Variants in STX8 observed in about 807,000 individuals in gnomAD.
STX8 encodes syntaxin-8.
STX8 carries 23 observed loss-of-function variants against 37.5 expected under a neutral mutation model. The ratio of observed to expected loss-of-function variants is 0.61; its 90% CI spans 0.44 to 0.87. The LOEUF (loss-of-function observed/expected upper bound fraction) is 0.87, where lower values mean the gene tolerates loss of function less well. Among genes scored for constraint, STX8 ranks in the 40% least tolerant of loss-of-function variants. STX8 has a pLI of 0.00. For synonymous variants in STX8, 115 were observed against 99.1 expected (o/e 1.16, Z -0.95); for missense variants, 313 against 284.7 (o/e 1.10, Z -0.71).
intron 6 of STX8, among the ~76,000 whole-genome samples, chr17:9,419,811 G>C (rs971654025): frequency 6.6e-6 from 1 of 152,172 alleles, no homozygotes; most frequent in African/African-American, 2.4e-5. Flanking sequence ...AGAGTGAGCA[G>C]AAATACATAT....
chr17:9,473,598 T>A (rs9893263), intron 6 of STX8, among the ~76,000 whole-genome samples: 1,850 of 152,294 alleles, frequency 0.012, 36 homozygotes, highest in African/African-American at 0.041. Flanking sequence ...TTACGCTATA[T>A]GGTTTAGAGA....
At chr17:9,506,407 T>TTCCC (rs1365525760) in intron 4 of STX8, among the ~76,000 whole-genome samples, 1 of 39,332 alleles carries the variant, frequency 2.5e-5, no homozygotes, top group Non-Finnish European at 4.9e-5. Context: ...GCTCACCCGC[T>TTCCC]CCCCCCCCCC....
At chr17:9,342,465 A>G (rs1332104721) in intron 7 of STX8, among the ~76,000 whole-genome samples, 1 of 152,160 alleles carries the variant, frequency 6.6e-6, no homozygotes, top group Non-Finnish European at 1.5e-5. Flanking sequence ...CTAAGCGTGC[A>G]AGACATGCTA....
intron 4 of STX8, among the ~76,000 whole-genome samples, chr17:9,544,704 G>A (rs1350671131): frequency 2.0e-5 from 3 of 151,996 alleles, no homozygotes; most frequent in Non-Finnish European, 4.4e-5. Context: ...GAAAATTAAC[G>A]AAAACTGGCC....
intron 7 of STX8, among the ~76,000 whole-genome samples, chr17:9,295,363 T>C (rs1244255536): frequency 6.6e-6 from 1 of 152,248 alleles, no homozygotes; most frequent in Non-Finnish European, 1.5e-5. Context: ...GTCAACTTTA[T>C]AGTCCTGGTC....
chr17:9,348,851 C>G (rs893567782), intron 7 of STX8, among the ~76,000 whole-genome samples: 2 of 152,170 alleles, frequency 1.3e-5, no homozygotes, highest in Non-Finnish European at 2.9e-5. Flanking sequence ...TCCTGATGGC[C>G]AAGGTCTTCA....
rs550322893 is a variant in STX8, at chr17:9,439,696, A to G, written c.541+52133T>C. Reference sequence around the variant, plus strand: ...TTTTTAGTAGAGATGGGGTTTCACCATGTTGGCCAGGATGGTCTCAATCTG... The same window carrying G: ...TTTTTAGTAGAGATGGGGTTTCACCGTGTTGGCCAGGATGGTCTCAATCTG... On this transcript the variant is annotated intron_variant, in intron 6 of 7. Transcript: ENST00000306357. 2.6e-5 allele frequency among the ~76,000 whole-genome samples: 4 copies of G among 152,064 alleles called. No homozygotes were observed. In the South Asian group the frequency reaches 6.2e-4, roughly 24 times the overall value.
intron 2 of STX8, among the ~76,000 whole-genome samples, chr17:9,566,855 A>G (rs1907479397): frequency 6.6e-6 from 1 of 152,202 alleles, no homozygotes; most frequent in Admixed American, 6.5e-5. Context: ...CACAATAACA[A>G]AAGACATAGA....
rs180924236 is a variant in STX8 at position 9,467,173 on chromosome 17, G to A, written c.541+24656C>T. 4.6e-5 allele frequency: 7 copies of A among 152,348 alleles called. No homozygotes were observed. The East Asian group carries it at 1.2e-3, about 25-fold the overall frequency. The allele number at this position is 152,348 out of a possible 1,614,324, so 9.4% of individuals were successfully genotyped here. On this transcript the variant is annotated intron_variant, in intron 6 of 7. Transcript: ENST00000306357. ...CCCAAAGTGCTGGGATTATAGGTGT[G>A]AGCCACCGTGCCCGGCCTTTTACAT...
At chr17:9,515,917 CGAA>C (rs1161409668) in intron 4 of STX8, among the ~76,000 whole-genome samples, 1 of 151,940 alleles carries the variant, frequency 6.6e-6, no homozygotes, top group East Asian at 1.9e-4. Context: ...CACGTACCTT[CGAA>C]GAAGGGGGAA....
chr17:9,305,644 G>A (rs1431262322), intron 7 of STX8: 3 of 151,668 alleles, frequency 2.0e-5, no homozygotes, highest in Admixed American at 2.0e-4. Context: ...GGTGATGTAT[G>A]CGTAGTGATG....
chr17:9,303,656 T>A (rs1038772706), intron 7 of STX8, among the ~76,000 whole-genome samples: 1 of 152,214 alleles, frequency 6.6e-6, no homozygotes, highest in African/African-American at 2.4e-5. Context: ...GGGCTTAAAA[T>A]TAATCTCTAA....
chr17:9,282,196 G>A (rs1907911341), intron 7 of STX8, among the ~76,000 whole-genome samples: 1 of 152,212 alleles, frequency 6.6e-6, no homozygotes, highest in African/African-American at 2.4e-5. Flanking sequence ...GCAGTGGCGT[G>A]ATCTTGGCTT....
rs377159395 is a variant in STX8, at chr17:9,274,751, CTTTTTTT to C, written c.644-24113_644-24107del. 1.9e-3 allele frequency among the ~76,000 whole-genome samples: 149 copies of C among 78,642 alleles called. 10 individuals carry two copies. The highest frequency in any genetic ancestry group is 5.6e-3 in the African/African-American group (130 of 23,308). The allele number at this position is 78,642 out of a possible 152,430, so 51.6% of individuals were successfully genotyped here. A position where few individuals can be genotyped will look rare whatever the true frequency, so the allele number is the denominator to read the frequency against. ...TCAAAAATACAACAATTTCTTTTTT[CTTTTTTT>C]TTTTTTTTTTTGAGACGGAGTCTCG... On this transcript the variant is annotated intron_variant, in intron 7 of 7. Coordinates refer to ENST00000306357, the MANE Select transcript of STX8 (RefSeq NM_004853.3).
chr17:9,552,534 C>A (rs1290853028), intron 3 of STX8, among the ~76,000 whole-genome samples: 1 of 152,214 alleles, frequency 6.6e-6, no homozygotes, highest in Non-Finnish European at 1.5e-5. Context: ...CTCTCCACAA[C>A]CACATCCATT....
intron 6 of STX8, among the ~76,000 whole-genome samples, chr17:9,443,705 C>T (rs776943609): frequency 3.3e-5 from 5 of 152,182 alleles, no homozygotes; most frequent in Non-Finnish European, 7.3e-5. Flanking sequence ...TTTCTACTGG[C>T]TCCTCTGTGG....
At chr17:9,437,237 C>G (rs1428110364) in intron 6 of STX8, among the ~76,000 whole-genome samples, 1 of 152,216 alleles carries the variant, frequency 6.6e-6, no homozygotes, top group Non-Finnish European at 1.5e-5. Context: ...GCGCTCTGGT[C>G]TCCAACATTG....
At chr17:9,362,590 G>C (rs1195880421) in intron 7 of STX8, among the ~76,000 whole-genome samples, 1 of 151,966 alleles carries the variant, frequency 6.6e-6, no homozygotes, top group East Asian at 1.9e-4. Context: ...AGGCCGAGGT[G>C]GGCGTATCAC....
chr17:9,396,459 G>A (rs1427427201), intron 6 of STX8, among the ~76,000 whole-genome samples: 2 of 151,806 alleles, frequency 1.3e-5, no homozygotes, highest in Non-Finnish European at 2.9e-5. Context: ...GAGGTGGGCG[G>A]GTCATCTGAG....
Sources: gnomAD v4.1 joint callset for allele counts (sites outside exome capture counted in the v4.1 genomes callset) on GRCh38, gnomAD v4.1.1 for gene constraint, MANE v1.5 for transcripts, NCBI Gene and HGNC (gene_info 2026-07-23, HGNC 2026-07-21) for gene names.